WDFY4: variants seen among roughly 807,000 people sequenced by gnomAD.
The protein encoded by WDFY4 is WD repeat- and FYVE domain-containing protein 4.
A neutral mutation model predicts 351.9 loss-of-function variants in WDFY4; 169 were observed. That is an observed-to-expected ratio of 0.48 (90% CI 0.42 to 0.55). The LOEUF (loss-of-function observed/expected upper bound fraction) is 0.55, where lower values mean the gene tolerates loss of function less well. Ranked by LOEUF, WDFY4 falls within the 20% of genes least tolerant of loss-of-function variation. The pLI, the probability that WDFY4 is intolerant of heterozygous loss-of-function variation, is 0.00. For synonymous variants in WDFY4, 1,622 were observed against 1,574.6 expected (o/e 1.03, Z -0.71); for missense variants, 3,803 against 3,935.6 (o/e 0.97, Z 0.90).
At chr10:48,722,966 T>G (rs909600633) in intron 4 of WDFY4, among the ~76,000 whole-genome samples, 31 of 152,116 alleles carry the variant, frequency 2.0e-4, no homozygotes, top group African/African-American at 3.1e-4. Context: ...AGATGAGAGG[T>G]TGGGGAGGGG....
intron 47 of WDFY4, among the ~76,000 whole-genome samples, chr10:48,934,494 T>C (rs1447611757): frequency 6.6e-6 from 1 of 152,236 alleles, no homozygotes; most frequent in Non-Finnish European, 1.5e-5. Flanking sequence ...TTTCCCATTA[T>C]ACCTGTCATA....
chr10:48,892,900 T>C (rs1374736980), intron 44 of WDFY4, among the ~76,000 whole-genome samples: 1 of 152,220 alleles, frequency 6.6e-6, no homozygotes. Flanking sequence ...CTTTTGCTTG[T>C]AGTAAGTCCC....
chr10:48,698,767 C>G (rs1324432379), intron 1 of WDFY4, among the ~76,000 whole-genome samples: 1 of 152,176 alleles, frequency 6.6e-6, no homozygotes, highest in Non-Finnish European at 1.5e-5. Context: ...AGGGCTTTAT[C>G]CAGGACAGCC....
At chr10:48,689,001 G>A (rs2063127889) in intron 1 of WDFY4, among the ~76,000 whole-genome samples, 1 of 152,212 alleles carries the variant, frequency 6.6e-6, no homozygotes, top group African/African-American at 2.4e-5. Context: ...ATGCTTGTTA[G>A]ACAATATGTG....
chr10:48,705,326 C>T (rs1490645680), intron 1 of WDFY4, among the ~76,000 whole-genome samples: 1 of 152,130 alleles, frequency 6.6e-6, no homozygotes, highest in Non-Finnish European at 1.5e-5. Flanking sequence ...ATTTTTGGCA[C>T]CTCCTTAAAT....
chr10:48,751,492 C>T (rs1462161845), intron 12 of WDFY4, among the ~76,000 whole-genome samples: 4 of 152,108 alleles, frequency 2.6e-5, no homozygotes, highest in Admixed American at 2.6e-4. Flanking sequence ...AACAGGAGAA[C>T]ATTTTGAGAA....
At chr10:48,889,660 G>C (rs2070610337) in intron 43 of WDFY4, among the ~76,000 whole-genome samples, 1 of 152,156 alleles carries the variant, frequency 6.6e-6, no homozygotes, top group Non-Finnish European at 1.5e-5. Context: ...GGTTTACTAT[G>C]TAAGGACCCA....
At chr10:48,705,927 A>T (rs2063614973) in intron 1 of WDFY4, among the ~76,000 whole-genome samples, 1 of 152,196 alleles carries the variant, frequency 6.6e-6, no homozygotes, top group Non-Finnish European at 1.5e-5. Flanking sequence ...TGATAGAGCC[A>T]GTTAGTAAAG....
At chr10:48,785,443 AT>A (rs979238556) in intron 19 of WDFY4, among the ~76,000 whole-genome samples, 10 of 152,018 alleles carry the variant, frequency 6.6e-5, no homozygotes, top group Non-Finnish European at 1.2e-4. Flanking sequence ...ATATTCTCCT[AT>A]TTTTTTCCCT....
chr10:48,894,403 A>G (rs1415247428), intron 44 of WDFY4, among the ~76,000 whole-genome samples: 4 of 152,226 alleles, frequency 2.6e-5, no homozygotes, highest in Non-Finnish European at 4.4e-5. Context: ...CATGGGTGTT[A>G]GAGTTGGAGG....
At chr10:48,804,776 A>AGC (rs2067197766) in intron 25 of WDFY4, 1 of 983,622 alleles carries the variant, frequency 1.0e-6, no homozygotes, top group African/African-American at 1.8e-5. Flanking sequence ...TATCTGAGGG[A>AGC]GGGGGTATGG....
intron 24 of WDFY4, among the ~76,000 whole-genome samples, chr10:48,800,242 G>A (rs2448544): frequency 3.3e-5 from 5 of 152,066 alleles, no homozygotes; most frequent in African/African-American, 4.8e-5. Flanking sequence ...AGGAGAAGAC[G>A]CAGTAAAAAC....
intron 52 of WDFY4, 112 bp from the exon 53 acceptor site, chr10:48,959,610 C>A: frequency 1.1e-6 from 1 of 934,954 alleles, no homozygotes; most frequent in African/African-American, 1.6e-5. Flanking sequence ...GAACATAACT[C>A]ACGTTCAGAC....
chr10:48,737,559 A>G (rs2064712787), intron 11 of WDFY4, among the ~76,000 whole-genome samples: 2 of 152,222 alleles, frequency 1.3e-5, no homozygotes, highest in Non-Finnish European at 2.9e-5. Context: ...ACCAGCAGTG[A>G]TTGGTGTGGC....
chr10:48,827,338 A>G (rs528749829), intron 36 of WDFY4, among the ~76,000 whole-genome samples: 1 of 151,994 alleles, frequency 6.6e-6, no homozygotes, highest in Admixed American at 6.5e-5. Flanking sequence ...AAAATTACAT[A>G]TGCATACAAT....
At chr10:48,702,883 C>T (rs1433180007) in intron 1 of WDFY4, among the ~76,000 whole-genome samples, 1 of 152,150 alleles carries the variant, frequency 6.6e-6, no homozygotes, top group Non-Finnish European at 1.5e-5. Context: ...GCACCCTTGC[C>T]ATCATCAAGT....
At position 48,959,803 on chromosome 10, in the gene WDFY4, T is replaced by C. The variant is rs1406126947; in HGVS notation, c.8213T>C (p.Leu2738Pro). Residue 2738 changes from leucine to proline, a missense_variant, in exon 53 of 62, where the codon CTG becomes CCG. By Grantham distance (98) the Leu-to-Pro change is moderately conservative (BLOSUM62 -3). Transcript: ENST00000325239. ...ADGDPRKFIS[L>P]HRKALESDFV... ...GGGGACCCTCGGAAATTCATCAGCC[T>C]GCACAGAAAGGTGAGTCAGGCCAGG... 4 of 1,550,196 alleles carry C rather than the reference T, an allele frequency of 2.6e-6. No individual in the cohort carries two copies. The highest frequency in any genetic ancestry group is 3.5e-6 in the Non-Finnish European group (4 of 1,146,038).
chr10:48,760,503 T>A (rs2065469895), intron 13 of WDFY4, 63 bp downstream of exon 13: 9 of 1,506,536 alleles, frequency 6.0e-6, no homozygotes, highest in Non-Finnish European at 8.1e-6. Context: ...AAATGCCTTC[T>A]GACCCAAGAC....
intron 39 of WDFY4, among the ~76,000 whole-genome samples, chr10:48,838,408 C>G: frequency 6.6e-6 from 1 of 152,116 alleles, no homozygotes; most frequent in East Asian, 1.9e-4. Context: ...CGTCACCCAC[C>G]CTAGCATGAA....
Sources: gnomAD v4.1 joint callset for allele counts (sites outside exome capture counted in the v4.1 genomes callset) on GRCh38, gnomAD v4.1.1 for gene constraint, MANE v1.5 for transcripts, NCBI Gene and HGNC (gene_info 2026-07-23, HGNC 2026-07-21) for gene names.